The following CORIN variants were observed in gnomAD, a reference collection of about 807,000 sequenced individuals.
The protein encoded by CORIN is corin, serine peptidase, also known as atrial natriuretic peptide-converting enzyme.
Under a neutral mutation model 125.3 loss-of-function variants are expected in CORIN, and 117 were observed. That is an observed-to-expected ratio of 0.93 (90% CI 0.80 to 1.09). The LOEUF is 1.09. Among genes scored for constraint, CORIN ranks in the 50% least tolerant of loss-of-function variants. The probability of loss-of-function intolerance (pLI) is 0.00; values close to 1 mark genes in which losing one functional copy is unlikely to be tolerated. For missense variants in CORIN, 1,253 were observed against 1,306.7 expected (o/e 0.96, Z 0.63); for synonymous variants, 450 against 466.4 (o/e 0.96, Z 0.45).
In CORIN at chr4:47,777,735, G is replaced by A. The variant is rs544160553; in HGVS notation, c.409+8990C>T. 1.4e-4 allele frequency among the ~76,000 whole-genome samples: 21 copies of A among 152,280 alleles called. 1 individual carries two copies. Among genetic ancestry groups the A allele is most frequent in the African/African-American group, 4.1e-4 (17 of 41,556 alleles). On this transcript the variant is annotated intron_variant, in intron 3 of 21. Coordinates refer to ENST00000273857, the MANE Select transcript of CORIN (RefSeq NM_006587.4). ...CACTGAAACACAAGAAGTGGATTGCGTCAAATTGAAAAGATGTAAAGCTTT... is the reference window on the plus strand; with the variant it reads ...CACTGAAACACAAGAAGTGGATTGCATCAAATTGAAAAGATGTAAAGCTTT...
intron 4 of CORIN, among the ~76,000 whole-genome samples, chr4:47,749,407 A>G (rs995403686): frequency 6.6e-6 from 1 of 152,234 alleles, no homozygotes; most frequent in Non-Finnish European, 1.5e-5. Flanking sequence ...GCCACTGGCT[A>G]ATAGACAGCT....
chr4:47,634,020 T>C (rs1248482404), intron 16 of CORIN, among the ~76,000 whole-genome samples: 1 of 152,196 alleles, frequency 6.6e-6, no homozygotes, highest in Non-Finnish European at 1.5e-5. Context: ...AAATATTGAA[T>C]TAACTAAAAA....
chr4:47,775,290 A>G lies in CORIN; in HGVS notation c.409+11435T>C, dbSNP rs371428559. On this transcript the variant is annotated intron_variant, in intron 3 of 21. Transcript: ENST00000273857. ...ACGTACAGGTTTTTTACCTATGTAT[A>G]CATGTGCCATGTTGGTGTGCTGCAC... is the stretch of plus-strand genomic sequence containing the variant. Among the ~76,000 whole-genome samples, 12 of 151,956 alleles carry G rather than the reference A, an allele frequency of 7.9e-5. No individual in the cohort carries two copies. The East Asian group carries it at 1.9e-3, about 25-fold the overall frequency.
intron 6 of CORIN, among the ~76,000 whole-genome samples, chr4:47,685,665 G>A (rs115543449): frequency 0.014 from 2,120 of 152,062 alleles, 46 homozygotes; most frequent in African/African-American, 0.047. Flanking sequence ...CAATAAAGCT[G>A]TAAAAATGTT....
At chr4:47,697,447 C>T (rs1047104471) in intron 5 of CORIN, among the ~76,000 whole-genome samples, 1 of 152,102 alleles carries the variant, frequency 6.6e-6, no homozygotes, top group Non-Finnish European at 1.5e-5. Flanking sequence ...GGTGCAGTGC[C>T]GCATGCCTGT....
At chr4:47,818,753 G>C (rs572442064) in intron 1 of CORIN, among the ~76,000 whole-genome samples, 1 of 151,974 alleles carries the variant, frequency 6.6e-6, no homozygotes, top group South Asian at 2.1e-4. Context: ...CACTCCTGTG[G>C]TCCCAGCTAC....
At chr4:47,825,353 C>T (rs6819172) in intron 1 of CORIN, among the ~76,000 whole-genome samples, 49,309 of 152,090 alleles carry the variant, frequency 0.32, 9,769 homozygotes, top group Non-Finnish European at 0.44. Flanking sequence ...TCCCACACCA[C>T]ACCTATCTGC....
intron 13 of CORIN, among the ~76,000 whole-genome samples, chr4:47,647,679 T>A (rs1032345952): frequency 1.3e-5 from 2 of 152,198 alleles, no homozygotes; most frequent in African/African-American, 4.8e-5. Context: ...TCCCTCCACA[T>A]CACAGCTCTA....
chr4:47,647,128 T>G (rs949194971), intron 13 of CORIN, among the ~76,000 whole-genome samples: 1 of 152,146 alleles, frequency 6.6e-6, no homozygotes, highest in Non-Finnish European at 1.5e-5. Flanking sequence ...TTTCAGCTAG[T>G]AGAGGATCCA....
chr4:47,595,741 G>A lies in CORIN; in HGVS notation c.3109C>T (p.Gln1037Ter). Reference protein sequence around the residue: ...VEWIKRQIYIQTFLLN With the variant: ...VEWIKRQIYI ...TATAATTAGTTTAGGAGAAAGGTCT[G>A]GATGTAAATCTGTCTTTTAATCCAT... Residue 1037 changes from glutamine to a stop codon, truncating the protein, a stop_gained, in exon 22 of 22, where the codon CAG becomes TAG. Transcript: ENST00000273857. LOFTEE classifies it high-confidence loss of function. The A allele has an allele frequency of 6.2e-7, 1 of 1,608,224 alleles. No individual in the cohort carries two copies. The highest frequency in any genetic ancestry group is 8.5e-7 in the Non-Finnish European group (1 of 1,178,218).
intron 3 of CORIN, among the ~76,000 whole-genome samples, chr4:47,780,065 T>C (rs543341006): frequency 6.6e-6 from 1 of 152,204 alleles, no homozygotes; most frequent in South Asian, 2.1e-4. Context: ...TATGGTATAA[T>C]GACAACATGG....
At chr4:47,632,755 A>G (rs1459385719) in intron 16 of CORIN, among the ~76,000 whole-genome samples, 1 of 119,860 alleles carries the variant, frequency 8.3e-6, no homozygotes, top group African/African-American at 3.2e-5. Flanking sequence ...AGATAGATAG[A>G]TAGATAGATA....
intron 16 of CORIN, among the ~76,000 whole-genome samples, chr4:47,637,236 T>C (rs1056135992): frequency 1.3e-5 from 2 of 152,190 alleles, no homozygotes; most frequent in African/African-American, 4.8e-5. Context: ...ACTTGGGTGC[T>C]GTTAAAGGCA....
At chr4:47,661,654 G>A in intron 12 of CORIN, 57 bp downstream of exon 12, 2 of 1,443,510 alleles carry the variant, frequency 1.4e-6, no homozygotes, top group Non-Finnish European at 9.4e-7. Flanking sequence ...AATTCAAAAG[G>A]TAGCTAACAT....
intron 7 of CORIN, chr4:47,683,071 C>T (rs1725359230): frequency 6.6e-6 from 1 of 152,198 alleles, no homozygotes; most frequent in Non-Finnish European, 1.5e-5. Context: ...TGCAAAGTTC[C>T]TACGTCACTC....
chr4:47,751,636 C>T (rs1243598685), intron 4 of CORIN, among the ~76,000 whole-genome samples: 1 of 152,136 alleles, frequency 6.6e-6, no homozygotes, highest in East Asian at 1.9e-4. Flanking sequence ...GTAGCCTTCC[C>T]TAATAATGCC....
At chr4:47,732,102 C>A (rs548928147) in intron 5 of CORIN, among the ~76,000 whole-genome samples, 1 of 151,968 alleles carries the variant, frequency 6.6e-6, no homozygotes, top group East Asian at 1.9e-4. Flanking sequence ...TGGCTATAAG[C>A]AAATATGAGA....
chr4:47,768,051 T>C (rs576765653), intron 3 of CORIN, among the ~76,000 whole-genome samples: 13 of 152,294 alleles, frequency 8.5e-5, no homozygotes, highest in Non-Finnish European at 1.8e-4. Flanking sequence ...CCTTAACTGA[T>C]GACATTACCT....
intron 1 of CORIN, among the ~76,000 whole-genome samples, chr4:47,818,892 A>G (rs1732387152): frequency 6.6e-6 from 1 of 151,896 alleles, no homozygotes; most frequent in Non-Finnish European, 1.5e-5. Flanking sequence ...AAAAAAAAAA[A>G]AAAAGATTGG....
Sources: allele counts gnomAD v4.1 joint callset (sites outside exome capture counted in the v4.1 genomes callset), GRCh38; gene constraint gnomAD v4.1.1; transcripts MANE v1.5; gene names NCBI Gene and HGNC (gene_info 2026-07-23, HGNC 2026-07-21).